The following CNGA4 variants were observed in gnomAD, a reference collection of about 807,000 sequenced individuals.
The protein encoded by CNGA4 is cyclic nucleotide gated channel subunit alpha 4.
Under a neutral mutation model 45.6 loss-of-function variants are expected in CNGA4, and 32 were observed. That is an observed-to-expected ratio of 0.70 (90% CI 0.53 to 0.94). The LOEUF (loss-of-function observed/expected upper bound fraction) is 0.94. Ranked by LOEUF, CNGA4 falls within the 40% of genes least tolerant of loss-of-function variation. CNGA4 has a pLI of 0.00. For synonymous variants in CNGA4, 293 were observed against 304.6 expected (o/e 0.96, Z 0.40); for missense variants, 726 against 755.1 (o/e 0.96, Z 0.45).
downstream of CNGA4, among the ~76,000 whole-genome samples, chr11:6,244,612 A>G (rs1014874328): frequency 8.1e-6 from 1 of 123,282 alleles, no homozygotes; most frequent in Non-Finnish European, 1.9e-5. This position sits in a 1 kb window ranked among gnomAD's most constrained non-coding sequence, Gnocchi z 4.5. Flanking sequence ...ACACACACAC[A>G]CACACACACA....
chr11:6,241,328 G>T (rs1399822749), intron 4 of CNGA4, 103 bp from the exon 5 acceptor site: 11 of 904,804 alleles, frequency 1.2e-5, no homozygotes, highest in Non-Finnish European at 1.7e-5. Flanking sequence ...TTAGATCTCA[G>T]TATGGTGGGA....
Position 6,240,222 on chromosome 11 carries a change from G to T in CNGA4, c.428G>T (p.Arg143Leu). The change falls in exon 4 of 6, where the codon CGC becomes CTC. Residue 143 changes from arginine (R) to leucine (L), a missense_variant. Physicochemically the swap from Arg to Leu is moderately radical, Grantham distance 102. Transcript: ENST00000379936. This position sits in a 1 kb window ranked among gnomAD's most constrained non-coding sequence, Gnocchi z 4.9. ...CACACACCCACCCTGAGGCTGAACC[G>T]CTTTCTCCGCGCGCCCCGCCTCTTC... ...GPHTPTLRLN[R>L]FLRAPRLFEA... is the part of the protein sequence containing the mutation. 6.2e-7 allele frequency: 1 copy of T among 1,614,222 alleles called. No individual in the cohort carries two copies. The highest frequency in any genetic ancestry group is 8.5e-7 in the Non-Finnish European group (1 of 1,180,046).
At position 6,241,734 on chromosome 11, in the gene CNGA4, C is replaced by T. The variant is rs202243295; in HGVS notation, c.1221C>T (p.Leu407=). The change falls in exon 5 of 6, where the codon CTC becomes CTT. Residue 407 remains leucine (L), a synonymous_variant. Coordinates refer to ENST00000379936, the MANE Select transcript of CNGA4 (RefSeq NM_001037329.4). ...ATGGTATCACACAGTATGCTGTGCT[C>T]GGTGCAGGGCTCTACTTTGGGGAGA... is the stretch of plus-strand genomic sequence containing the variant. ...ADDGITQYAV[L]GAGLYFGEIS... 87 of 1,614,004 alleles carry T rather than the reference C, an allele frequency of 5.4e-5. No homozygotes were observed. The Middle Eastern group carries it at 8.2e-4, about 15-fold the overall frequency.
Position 6,240,180 on chromosome 11 carries a change from A to G in CNGA4, c.386A>G (p.Tyr129Cys), listed in dbSNP as rs1281756912. ...LASLMPTDVV[Y>C]VRLGPHTPTL... ...TCCCTGATGCCCACAGATGTGGTCT[A>G]CGTGCGGCTGGGCCCGCACACACCC... The change falls in exon 4 of 6, where the codon TAC becomes TGC. Residue 129 changes from tyrosine to cysteine, a missense_variant. Physicochemically the swap from Tyr to Cys is radical, Grantham distance 194. Coordinates refer to ENST00000379936, the MANE Select transcript of CNGA4 (RefSeq NM_001037329.4). This position sits in a 1 kb window ranked among gnomAD's most constrained non-coding sequence, Gnocchi z 4.9. The G allele has an allele frequency of 6.2e-7, 1 of 1,614,182 alleles. No homozygotes were observed.
chr11:6,241,930 A>G, intron 5 of CNGA4, 150 bp downstream of exon 5: 1 of 667,918 alleles, frequency 1.5e-6, no homozygotes, highest in Non-Finnish European at 2.6e-6. Flanking sequence ...GGCTCAGGAG[A>G]AAAACAACAC....
Position 6,239,289 on chromosome 11 carries a change from G to C in CNGA4, c.62+21G>C, listed in dbSNP as rs779192538. 5.0e-6 allele frequency: 8 copies of C among 1,613,566 alleles called. No individual in the cohort carries two copies. The African/African-American group carries it at 1.1e-4, about 22-fold the overall frequency. ...GCCAGGTGAGAAGTCCTGGTCCCTT[G>C]TGTGGGATCTCTCCTCATTCCTCTT... is the stretch of plus-strand genomic sequence containing the variant. On this transcript the variant is annotated intron_variant, in intron 1 of 5. Transcript: ENST00000379936.
upstream of CNGA4, among the ~76,000 whole-genome samples, chr11:6,235,062 A>G (rs977789592): frequency 1.3e-5 from 2 of 152,164 alleles, no homozygotes; most frequent in Admixed American, 6.5e-5. Flanking sequence ...CGGAAGAAAG[A>G]CGAGCGAGAA....
Position 6,239,443 on chromosome 11 carries a change from T to C in CNGA4, c.122T>C (p.Met41Thr), listed in dbSNP as rs770763576. ...GDYYYWWLNTMVFPVMYNLII... is the reference protein window; with the variant it reads ...GDYYYWWLNTTVFPVMYNLII... ...TACTACTACTGGTGGCTGAACACAA[T>C]GGTCTTCCCAGTCATGTATAACCTC... is the stretch of plus-strand genomic sequence containing the variant. The change falls in exon 2 of 6, where the codon ATG becomes ACG. Residue 41 changes from methionine to threonine, a missense_variant. Met to Thr is a moderately conservative substitution (Grantham distance 81). Coordinates refer to ENST00000379936, the MANE Select transcript of CNGA4 (RefSeq NM_001037329.4). The C allele has an allele frequency of 1.9e-6, 3 of 1,614,190 alleles. No individual in the cohort carries two copies. Among genetic ancestry groups the C allele is most frequent in the Non-Finnish European group, 2.5e-6 (3 of 1,180,022 alleles).
rs1253665906 is a variant in CNGA4, at chr11:6,240,489, T to A, written c.695T>A (p.Val232Glu). ...TTCTCCACGCTGATACTGACTACAG[T>A]GGGCGATACACCGCCGCCAGCCAGG... Reference protein sequence around the residue: ...FYFSTLILTTVGDTPPPAREE... With the variant: ...FYFSTLILTTEGDTPPPAREE... The change falls in exon 4 of 6, where the codon GTG (valine) becomes GAG (glutamate). Residue 232 changes from valine to glutamate, a missense_variant. Coordinates refer to ENST00000379936, the MANE Select transcript of CNGA4 (RefSeq NM_001037329.4). This position sits in a 1 kb window ranked among gnomAD's most constrained non-coding sequence, Gnocchi z 4.9. 1.1e-5 allele frequency: 17 copies of A among 1,614,190 alleles called. No individual in the cohort carries two copies. Among genetic ancestry groups the A allele is most frequent in the Non-Finnish European group, 1.3e-5 (15 of 1,180,034 alleles).
Position 6,240,192 on chromosome 11 carries a change from G to T in CNGA4, c.398G>T (p.Gly133Val), listed in dbSNP as rs1486224772. The change falls in exon 4 of 6, where the codon GGC becomes GTC. Residue 133 changes from glycine (G) to valine (V), a missense_variant. Transcript: ENST00000379936. This position sits in a 1 kb window ranked among gnomAD's most constrained non-coding sequence, Gnocchi z 4.9. ...MPTDVVYVRL[G>V]PHTPTLRLNR... Reference sequence around the variant, plus strand: ...ACAGATGTGGTCTACGTGCGGCTGGGCCCGCACACACCCACCCTGAGGCTG... The same window carrying T: ...ACAGATGTGGTCTACGTGCGGCTGGTCCCGCACACACCCACCCTGAGGCTG... 3 of 1,614,200 alleles carry T rather than the reference G, an allele frequency of 1.9e-6. No homozygotes were observed. The highest frequency in any genetic ancestry group is 2.5e-6 in the Non-Finnish European group (3 of 1,180,036).
upstream of CNGA4, among the ~76,000 whole-genome samples, chr11:6,238,220 A>AT (rs1847862054): frequency 6.6e-6 from 1 of 152,200 alleles, no homozygotes; most frequent in Non-Finnish European, 1.5e-5. Flanking sequence ...CTCATGTGTA[A>AT]TTACCTGCTG....
At position 6,240,581 on chromosome 11, in the gene CNGA4, G is replaced by T. The variant is rs764288291; in HGVS notation, c.787G>T (p.Gly263Cys). 6.2e-7 allele frequency: 1 copy of T among 1,614,194 alleles called. No homozygotes were observed. Among genetic ancestry groups the T allele is most frequent in the Non-Finnish European group, 8.5e-7 (1 of 1,180,024 alleles). ...LAVMGFATIM[G>C]SMSSVIYNMN... ...CGTCATGGGTTTCGCCACCATCATG[G>T]GTAGCATGAGCTCTGTCATCTACAA... The change falls in exon 4 of 6, where the codon GGT becomes TGT. Residue 263 changes from glycine (G) to cysteine (C), a missense_variant. Gly to Cys is a radical substitution (Grantham distance 159). Coordinates refer to ENST00000379936, the MANE Select transcript of CNGA4 (RefSeq NM_001037329.4). This position sits in a 1 kb window ranked among gnomAD's most constrained non-coding sequence, Gnocchi z 4.9.
At chr11:6,243,168 A>G (rs1369976963) in intron 5 of CNGA4, among the ~76,000 whole-genome samples, 1 of 151,778 alleles carries the variant, frequency 6.6e-6, no homozygotes, top group Non-Finnish European at 1.5e-5. Context: ...TCCTCCCCCT[A>G]GTTACCTCCT....
chr11:6,243,925 C>T, intron 5 of CNGA4, 24 bp from the exon 6 acceptor site: 3 of 1,603,062 alleles, frequency 1.9e-6, no homozygotes, highest in Admixed American at 1.7e-5. Context: ...TAACTGTCCT[C>T]CCATCTCTGC....
At chr11:6,235,938 C>CAA (rs112508509), upstream of CNGA4, among the ~76,000 whole-genome samples, 11 of 105,626 alleles carry the variant, frequency 1.0e-4, no homozygotes, top group East Asian at 2.6e-4. Flanking sequence ...GACTCCGTCT[C>CAA]AAAAAAAAAA....
intron 3 of CNGA4, 113 bp from the exon 4 acceptor site, chr11:6,239,953 T>C: frequency 3.5e-6 from 5 of 1,430,790 alleles, no homozygotes; most frequent in Middle Eastern, 2.1e-4. Context: ...AGCAGAGTTA[T>C]GCCTGGCTCC....
chr11:6,241,833 A>C (rs764158294), intron 5 of CNGA4, 53 bp downstream of exon 5: 3 of 1,526,314 alleles, frequency 2.0e-6, no homozygotes. Context: ...GTAGGGGGGA[A>C]CAGCAGAGCC....
At position 6,244,263 on chromosome 11, in the gene CNGA4, C is replaced by T. The variant is rs752239459; in HGVS notation, c.1582C>T (p.Arg528Cys). 3.6e-5 allele frequency: 58 copies of T among 1,614,054 alleles called. No homozygotes were observed. The highest frequency in any genetic ancestry group is 4.5e-5 in the Non-Finnish European group (53 of 1,180,034). ...LESSALKIAYRIERLEWQTRE... is the reference protein window; with the variant it reads ...LESSALKIAYCIERLEWQTRE... ...GTCCAGCGCACTTAAGATTGCTTAC[C>T]GCATTGAACGGCTGGAGTGGCAGAC... The change falls in exon 6 of 6, where the codon CGC (arginine) becomes TGC (cysteine). Residue 528 changes from arginine to cysteine, a missense_variant. Transcript: ENST00000379936. This position sits in a 1 kb window ranked among gnomAD's most constrained non-coding sequence, Gnocchi z 4.5.
upstream of CNGA4, among the ~76,000 whole-genome samples, chr11:6,237,426 T>C (rs956068448): frequency 5.3e-5 from 8 of 152,070 alleles, no homozygotes; most frequent in Non-Finnish European, 1.0e-4. Flanking sequence ...GTTAGTCATA[T>C]AGATAACTGA....
Sources: gnomAD v4.1 joint callset for allele counts (sites outside exome capture counted in the v4.1 genomes callset) on GRCh38, gnomAD v4.1.1 for gene constraint, Gnocchi (gnomAD v3.1) non-coding constraint, MANE v1.5 for transcripts, NCBI Gene and HGNC (gene_info 2026-07-23, HGNC 2026-07-21) for gene names.